RNF149: variants seen among roughly 807,000 people sequenced by gnomAD.
The protein encoded by RNF149 is E3 ubiquitin-protein ligase RNF149.
In RNF149, 21 loss-of-function variants were observed where a neutral mutation model predicts 39.0. The ratio of observed to expected loss-of-function variants is 0.54; its 90% CI spans 0.38 to 0.77. The LOEUF is 0.77. Among genes scored for constraint, RNF149 ranks in the 30% least tolerant of loss-of-function variants. RNF149 has a pLI of 0.00. For missense variants in RNF149, 493 were observed against 534.9 expected, an observed-to-expected ratio of 0.92 and a Z score of 0.77; for synonymous variants, 209 against 213.6, an observed-to-expected ratio of 0.98 and a Z score of 0.19.
At chr2:101,282,162 T>A in intron 5 of RNF149, 105 bp from the exon 6 acceptor site, 1 of 1,480,810 alleles carries the variant, frequency 6.8e-7, no homozygotes, top group Non-Finnish European at 9.0e-7. Context: ...CGTACTTCTG[T>A]ACAATGAATC....
At chr2:101,297,784 A>G (rs1294729732) in intron 1 of RNF149, among the ~76,000 whole-genome samples, 1 of 152,220 alleles carries the variant, frequency 6.6e-6, no homozygotes, top group African/African-American at 2.4e-5. Context: ...AACCATCATC[A>G]CTATCTAATT....
chr2:101,277,384 A>G, intron 6 of RNF149, 103 bp from the exon 7 acceptor site: 1 of 1,428,416 alleles, frequency 7.0e-7, no homozygotes, highest in Non-Finnish European at 9.2e-7. Flanking sequence ...TCAAGATGGT[A>G]AACAGAAAAA....
intron 3 of RNF149, among the ~76,000 whole-genome samples, chr2:101,293,404 T>A (rs1683095471): frequency 1.3e-5 from 2 of 152,202 alleles, no homozygotes; most frequent in African/African-American, 4.8e-5. Context: ...ATCCTATGCA[T>A]TAGCAACAGT....
intron 1 of RNF149, among the ~76,000 whole-genome samples, chr2:101,299,525 A>T (rs967320848): frequency 6.6e-6 from 1 of 152,258 alleles, no homozygotes; most frequent in African/African-American, 2.4e-5. Context: ...TATGATGGTT[A>T]TATCTGATAT....
At chr2:101,303,162 C>T (rs1395469590) in intron 1 of RNF149, among the ~76,000 whole-genome samples, 1 of 152,096 alleles carries the variant, frequency 6.6e-6, no homozygotes, top group Non-Finnish European at 1.5e-5. Flanking sequence ...TCACCCAGAG[C>T]TGTAGTGCAG....
chr2:101,298,521 G>C lies in RNF149; in HGVS notation c.461-3340C>G, dbSNP rs116356836. Among the ~76,000 whole-genome samples the C allele has an allele frequency of 7.2e-3, 1,093 of 152,016 alleles. 7 individuals carry two copies. Among genetic ancestry groups the C allele is most frequent in the Non-Finnish European group, 0.013 (885 of 67,958 alleles). On this transcript the variant is annotated intron_variant, in intron 1 of 6. Transcript: ENST00000295317. ...TCACAATCTAAACGTCCATCGAAAG[G>C]AAAAAAGGTATATAAATTACAGTAT...
At position 101,288,859 on chromosome 2, in the gene RNF149, A is replaced by C. The variant is rs1313821593; in HGVS notation, c.863+114T>G. The C allele has an allele frequency of 3.1e-5, 19 of 607,614 alleles. No homozygotes were observed. In the East Asian group the frequency reaches 5.6e-4, roughly 18 times the overall value. The allele number at this position is 607,614 out of a possible 1,614,324, so 37.6% of individuals were successfully genotyped here. On this transcript the variant is annotated intron_variant, in intron 4 of 6. Coordinates refer to ENST00000295317, the MANE Select transcript of RNF149 (RefSeq NM_173647.4). ...TCCAAGCTGCTTTTCTAAAAAGAAG[A>C]GATGATCACAAATTACAAGATCTTC...
chr2:101,308,565 G>A lies in RNF149; in HGVS notation c.24C>T (p.Ala8=), dbSNP rs1683779989. ...CCAACACGCCGCGAGCCCCGACGCT[G>A]GCTTCGCGCCGCCGCCACGCCATGG... MAWRRRE[A]SVGARGVLAL... The change falls in exon 1 of 7, where the codon GCC becomes GCT. Residue 8 remains alanine (A), a synonymous_variant. Coordinates refer to ENST00000295317, the MANE Select transcript of RNF149 (RefSeq NM_173647.4). 2 of 1,570,890 alleles carry A rather than the reference G, an allele frequency of 1.3e-6. No homozygotes were observed. Among genetic ancestry groups the A allele is most frequent in the South Asian group, 1.2e-5 (1 of 86,662 alleles).
chr2:101,277,131 A>G lies in RNF149; in HGVS notation c.*107T>C. On this transcript the variant is annotated 3_prime_UTR_variant, in exon 7 of 7. Coordinates refer to ENST00000295317, the MANE Select transcript of RNF149 (RefSeq NM_173647.4). ...AAATCAGAATCTAATAGGTAAAATA[A>G]TATACATTATTTTCAAATATACAAA... The G allele has an allele frequency of 6.7e-7, 1 of 1,492,434 alleles. No homozygotes were observed. The highest frequency in any genetic ancestry group is 9.1e-7 in the Non-Finnish European group (1 of 1,103,886). The allele number at this position is 1,492,434 out of a possible 1,614,324, so 92.4% of individuals were successfully genotyped here. A position where few individuals can be genotyped will look rare whatever the true frequency, so the allele number is the denominator to read the frequency against.
chr2:101,282,086 T>C (rs964479604), intron 5 of RNF149, 29 bp from the exon 6 acceptor site: 3 of 1,597,284 alleles, frequency 1.9e-6, no homozygotes, highest in East Asian at 2.2e-5. Flanking sequence ...AGAAAAAACA[T>C]GATCAAAGCT....
At chr2:101,294,595 T>A (rs561462749) in intron 2 of RNF149, 1 of 239,916 alleles carries the variant, frequency 4.2e-6, no homozygotes, top group African/African-American at 2.3e-5. Flanking sequence ...TTGCTGTCAC[T>A]GAGAGAGATA....
intron 1 of RNF149, among the ~76,000 whole-genome samples, chr2:101,296,507 T>C (rs1683240696): frequency 6.6e-6 from 1 of 152,156 alleles, no homozygotes; most frequent in Non-Finnish European, 1.5e-5. Context: ...CTGTAGCATA[T>C]GGAGACACCC....
chr2:101,277,356 T>C (rs1322467289), intron 6 of RNF149, 75 bp from the exon 7 acceptor site: 1 of 1,527,766 alleles, frequency 6.5e-7, no homozygotes, highest in Non-Finnish European at 8.8e-7. Context: ...CAAACACACT[T>C]ACTCACTTGG....
At chr2:101,282,198 C>T (rs1045685167) in intron 5 of RNF149, 141 bp from the exon 6 acceptor site, 1 of 1,228,496 alleles carries the variant, frequency 8.1e-7, no homozygotes, top group Non-Finnish European at 1.1e-6. Context: ...CAATGTCTCC[C>T]TTATCTAGTA....
At chr2:101,292,446 T>C (rs563998831) in intron 3 of RNF149, among the ~76,000 whole-genome samples, 2 of 152,324 alleles carry the variant, frequency 1.3e-5, no homozygotes, top group Admixed American at 6.5e-5. Context: ...ATTAAACATA[T>C]ACATCTATGT....
At chr2:101,283,834 C>T (rs1459668282) in intron 5 of RNF149, among the ~76,000 whole-genome samples, 1 of 152,140 alleles carries the variant, frequency 6.6e-6, no homozygotes, top group Non-Finnish European at 1.5e-5. Flanking sequence ...TAAAGTCCCT[C>T]TGCTATGGTC....
chr2:101,280,735 C>T (rs1469729038), intron 6 of RNF149, among the ~76,000 whole-genome samples: 2 of 151,940 alleles, frequency 1.3e-5, no homozygotes, highest in Non-Finnish European at 2.9e-5. Context: ...TTACTATCTC[C>T]ATAAAAAAAT....
chr2:101,276,661 T>C lies in RNF149; in HGVS notation c.*577A>G, dbSNP rs1682356436. 1 of 985,716 alleles carries C rather than the reference T, an allele frequency of 1.0e-6. No homozygotes were observed. The highest frequency in any genetic ancestry group is 1.2e-6 in the Non-Finnish European group (1 of 829,972). The allele number at this position is 985,716 out of a possible 1,614,324, so 61.1% of individuals were successfully genotyped here. The stretch of plus-strand genomic sequence containing the variant: ...CAAATCCTAAAGTCATCTAGTGCCT[T>C]TCTCATAATTCTAAACAAAGAAAAA... On this transcript the variant is annotated 3_prime_UTR_variant, in exon 7 of 7. Coordinates refer to ENST00000295317, the MANE Select transcript of RNF149 (RefSeq NM_173647.4).
chr2:101,273,527 C>G (rs1352490102), downstream of RNF149, among the ~76,000 whole-genome samples: 1 of 145,880 alleles, frequency 6.9e-6, no homozygotes, highest in Non-Finnish European at 1.5e-5. Flanking sequence ...GGCTGGAGTA[C>G]AGTGGTGTGA....
Sources: gnomAD v4.1 joint callset for allele counts (sites outside exome capture counted in the v4.1 genomes callset) on GRCh38, gnomAD v4.1.1 for gene constraint, MANE v1.5 for transcripts, NCBI Gene and HGNC (gene_info 2026-07-23, HGNC 2026-07-21) for gene names.